GARIN1B: variants seen among roughly 807,000 people sequenced by gnomAD.
GARIN1B encodes golgi associated RAB2 interactor 1B, also known as Golgi-associated RAB2 interactor protein 1B.
At chr7:128,731,063 A>G in the GARIN1B span, 1 of 1,594,716 alleles carries the variant, frequency 6.3e-7, no homozygotes, top group Non-Finnish European at 8.6e-7. Flanking sequence ...TAGGTAATTT[A>G]TATCCTATCA....
the GARIN1B span, among the ~76,000 whole-genome samples, chr7:128,721,917 TAACGTTAAACC>T: frequency 2.0e-5 from 3 of 152,334 alleles, no homozygotes; most frequent in African/African-American, 7.2e-5. Flanking sequence ...TGATTTTTTT[TAACGTTAAACC>T]AACTTTGTGT....
chr7:128,713,860 T>A, the GARIN1B span: 1 of 780,806 alleles, frequency 1.3e-6, no homozygotes, highest in Admixed American at 2.4e-5. Context: ...AAGCTTTAAC[T>A]GTGAACAGCA....
the GARIN1B span, among the ~76,000 whole-genome samples, chr7:128,727,608 A>G: frequency 1.3e-5 from 2 of 152,022 alleles, no homozygotes; most frequent in African/African-American, 4.8e-5. Context: ...GCCCTGCACA[A>G]TCTTCCCCCA....
the GARIN1B span, among the ~76,000 whole-genome samples, chr7:128,727,398 A>G: frequency 2.0e-5 from 3 of 152,206 alleles, no homozygotes; most frequent in African/African-American, 7.2e-5. Flanking sequence ...CCTGCCAGGA[A>G]GCTTGCCTGG....
the GARIN1B span, among the ~76,000 whole-genome samples, chr7:128,722,522 T>A: frequency 6.6e-6 from 1 of 152,090 alleles, no homozygotes; most frequent in African/African-American, 2.4e-5. Context: ...AAACACCAAT[T>A]AGGCCAGGCG....
the GARIN1B span, chr7:128,729,850 A>T: frequency 1.3e-6 from 2 of 1,584,562 alleles, no homozygotes; most frequent in Non-Finnish European, 1.7e-6. Flanking sequence ...TGTAACCTGT[A>T]AGGGCTCTGT....
chr7:128,718,251 G>T, the GARIN1B span, among the ~76,000 whole-genome samples: 43 of 152,114 alleles, frequency 2.8e-4, no homozygotes, highest in African/African-American at 9.9e-4. Flanking sequence ...TGACCAACAT[G>T]ATGAAACCTC....
chr7:128,710,690 C>T, the GARIN1B span, among the ~76,000 whole-genome samples: 2 of 146,216 alleles, frequency 1.4e-5, no homozygotes, highest in Non-Finnish European at 1.5e-5. Context: ...TTTTCTTTTC[C>T]TTTTTTTTTT....
chr7:128,709,977 T>TC, the GARIN1B span, among the ~76,000 whole-genome samples: 1 of 151,944 alleles, frequency 6.6e-6, no homozygotes, highest in East Asian at 1.9e-4. Context: ...GGTCTCGAAC[T>TC]CCTAACCTCA....
the GARIN1B span, chr7:128,715,168 C>A: frequency 3.6e-6 from 3 of 839,346 alleles, no homozygotes; most frequent in Non-Finnish European, 4.3e-6. Context: ...TGGCTCACTG[C>A]TTTCTCAGCA....
the GARIN1B span, chr7:128,719,039 T>G: frequency 1.2e-6 from 2 of 1,614,134 alleles, no homozygotes; most frequent in Admixed American, 1.7e-5. Flanking sequence ...TGTCACGCAC[T>G]GCCTGGTACC....
chr7:128,713,957 G>T, the GARIN1B span: 1 of 1,522,612 alleles, frequency 6.6e-7, no homozygotes, highest in Non-Finnish European at 8.8e-7. Context: ...AAAGGATGTG[G>T]TCTCTGATCT....
chr7:128,722,178 G>C, the GARIN1B span, among the ~76,000 whole-genome samples: 14 of 152,278 alleles, frequency 9.2e-5, no homozygotes, highest in East Asian at 1.9e-3. Context: ...ATGAAGCATT[G>C]CTATTACTTC....
At chr7:128,730,014 C>T in the GARIN1B span, 1 of 1,614,200 alleles carries the variant, frequency 6.2e-7, no homozygotes, top group Non-Finnish European at 8.5e-7. Context: ...TGCAGCCCCT[C>T]TCACTACTCA....
the GARIN1B span, chr7:128,714,137 G>C: frequency 6.5e-7 from 1 of 1,536,026 alleles, no homozygotes; most frequent in African/African-American, 1.4e-5. Flanking sequence ...TGGATGGTGA[G>C]AGCCTCCAGG....
At chr7:128,710,430 C>A in the GARIN1B span, among the ~76,000 whole-genome samples, 4 of 152,020 alleles carry the variant, frequency 2.6e-5, no homozygotes, top group African/African-American at 9.7e-5. Context: ...TTCATTTGTT[C>A]CCTAGTCACT....
At chr7:128,713,874 T>C in the GARIN1B span, 179 of 888,004 alleles carry the variant, frequency 2.0e-4, no homozygotes, top group Non-Finnish European at 3.1e-5. Flanking sequence ...AACAGCAACG[T>C]ATCAATTTAT....
At chr7:128,719,264 G>T in the GARIN1B span, among the ~76,000 whole-genome samples, 1 of 151,550 alleles carries the variant, frequency 6.6e-6, no homozygotes. Flanking sequence ...TTTTATAATT[G>T]TTTTGTTTTA....
At chr7:128,731,367 C>A in the GARIN1B span, 1 of 554,322 alleles carries the variant, frequency 1.8e-6, no homozygotes, top group South Asian at 2.4e-5. Context: ...ATGGCCGGGC[C>A]CAAGAGATGA....
Sources: gnomAD v4.1 joint callset for allele counts (sites outside exome capture counted in the v4.1 genomes callset) on GRCh38, gnomAD v4.1.1 for gene constraint, MANE v1.5 for transcripts, NCBI Gene and HGNC (gene_info 2026-07-23, HGNC 2026-07-21) for gene names.